Variants in CCDC146 observed in about 807,000 individuals in gnomAD.
CCDC146 encodes coiled-coil domain-containing protein 146.
In CCDC146, 92 loss-of-function variants were observed where a neutral mutation model predicts 119.3. That is an observed-to-expected ratio of 0.77 (90% CI 0.65 to 0.92). The LOEUF (loss-of-function observed/expected upper bound fraction) is 0.92. CCDC146 is among the 40% of genes least tolerant of loss of function. The pLI is 0.00. For missense variants in CCDC146, 1,000 were observed against 1,103.0 expected, an observed-to-expected ratio of 0.91 and a Z score of 1.32; for synonymous variants, 372 against 371.8, an observed-to-expected ratio of 1.00 and a Z score of -0.01.
chr7:77,295,055 G>A lies in CCDC146; in HGVS notation c.*189G>A. On this transcript the variant is annotated 3_prime_UTR_variant, in exon 19 of 19. Transcript: ENST00000285871. ...TACTATACCTTTCATGACGTTGAATGGGACATAGAACTGTCCTACATTTAT... is the reference window on the plus strand; with the variant it reads ...TACTATACCTTTCATGACGTTGAATAGGACATAGAACTGTCCTACATTTAT... 1.7e-6 allele frequency: 1 copy of A among 586,880 alleles called. No individual in the cohort carries two copies. Among genetic ancestry groups the A allele is most frequent in the Non-Finnish European group, 3.0e-6 (1 of 330,776 alleles). The allele number at this position is 586,880 out of a possible 1,614,324, so 36.4% of individuals were successfully genotyped here. A position where few individuals can be genotyped will look rare whatever the true frequency, so the allele number is the denominator to read the frequency against.
At chr7:77,167,192 A>G (rs1344698415) in intron 1 of CCDC146, among the ~76,000 whole-genome samples, 7 of 152,162 alleles carry the variant, frequency 4.6e-5, no homozygotes, top group Non-Finnish European at 1.0e-4. Flanking sequence ...GGTAGACAAT[A>G]TGAAAAATAG....
chr7:77,162,895 G>A (rs1319640034), intron 1 of CCDC146, among the ~76,000 whole-genome samples: 2 of 152,020 alleles, frequency 1.3e-5, no homozygotes, highest in African/African-American at 4.8e-5. Flanking sequence ...AAAGGTTAAA[G>A]TTTTTCTGAT....
rs58424400 is a variant in CCDC146 at position 77,227,489 on chromosome 7, T to C, written c.157-9458T>C. ...CCCGGCTAATTTTTTGTATTTTTAA[T>C]AGAGACGGGGTTTCACCGTGTTAGC... is the stretch of plus-strand genomic sequence containing the variant. On this transcript the variant is annotated intron_variant, in intron 2 of 18. Coordinates refer to ENST00000285871, the MANE Select transcript of CCDC146 (RefSeq NM_020879.3). 7.6e-3 allele frequency among the ~76,000 whole-genome samples: 1,162 copies of C among 152,294 alleles called. 13 individuals are homozygous for C. The highest frequency in any genetic ancestry group is 0.026 in the African/African-American group (1,099 of 41,558).
intron 2 of CCDC146, among the ~76,000 whole-genome samples, chr7:77,214,589 C>G (rs536252550): frequency 2.6e-5 from 4 of 151,930 alleles, no homozygotes; most frequent in Non-Finnish European, 5.9e-5. Flanking sequence ...TCTTTAATCC[C>G]TCTTGAGTTA....
intron 2 of CCDC146, among the ~76,000 whole-genome samples, chr7:77,192,783 C>T (rs890707907): frequency 1.9e-4 from 29 of 151,960 alleles, no homozygotes; most frequent in Non-Finnish European, 3.5e-4. Flanking sequence ...ATTAGCTGGG[C>T]GAGGTGGCAG....
intron 1 of CCDC146, among the ~76,000 whole-genome samples, chr7:77,123,193 G>C (rs1790648549): frequency 6.7e-6 from 1 of 150,120 alleles, no homozygotes; most frequent in Admixed American, 6.6e-5. Flanking sequence ...CTTGTTTTGA[G>C]AATAGCATTG....
chr7:77,241,601 G>T (rs1226056946), intron 3 of CCDC146, 90 bp from the exon 4 acceptor site: 4 of 1,062,908 alleles, frequency 3.8e-6, no homozygotes, highest in Non-Finnish European at 5.7e-6. Context: ...TCTGAGGAGT[G>T]GGGAGCAGCT....
intron 9 of CCDC146, 99 bp from the exon 10 acceptor site, chr7:77,273,595 A>G: frequency 1.4e-6 from 1 of 722,928 alleles, no homozygotes; most frequent in South Asian, 1.6e-5. Context: ...ATCTCAGCTC[A>G]CTGCAACTTC....
At chr7:77,270,290 A>G (rs559439306) in intron 9 of CCDC146, among the ~76,000 whole-genome samples, 1 of 152,186 alleles carries the variant, frequency 6.6e-6, no homozygotes, top group South Asian at 2.1e-4. Context: ...CCTGGGGAGT[A>G]GTACTTGAAG....
intron 2 of CCDC146, among the ~76,000 whole-genome samples, chr7:77,224,808 T>C (rs1792473696): frequency 6.6e-6 from 1 of 152,164 alleles, no homozygotes; most frequent in South Asian, 2.1e-4. Flanking sequence ...CGATGGAGCA[T>C]TCTGCTGGCA....
chr7:77,190,032 G>GT (rs1462152952), intron 2 of CCDC146, among the ~76,000 whole-genome samples: 1 of 152,090 alleles, frequency 6.6e-6, no homozygotes, highest in Non-Finnish European at 1.5e-5. Context: ...TTTTATCCGT[G>GT]TTGGTCACTG....
At chr7:77,132,909 T>C (rs1790806649) in intron 1 of CCDC146, among the ~76,000 whole-genome samples, 1 of 152,102 alleles carries the variant, frequency 6.6e-6, no homozygotes, top group Non-Finnish European at 1.5e-5. Flanking sequence ...CGGTGGCTTA[T>C]GCCTGTAATC....
chr7:77,146,473 G>C (rs550304234), intron 1 of CCDC146, among the ~76,000 whole-genome samples: 1 of 152,194 alleles, frequency 6.6e-6, no homozygotes, highest in South Asian at 2.1e-4. Context: ...TGGTTACTTT[G>C]CTCGTTAGTT....
chr7:77,197,110 C>G (rs1194207860), intron 2 of CCDC146: 1 of 644,830 alleles, frequency 1.6e-6, no homozygotes, highest in African/African-American at 1.8e-5. Context: ...CTTTACTAAA[C>G]TTACTTGAAC....
At chr7:77,205,221 G>T (rs1330351021) in intron 2 of CCDC146, among the ~76,000 whole-genome samples, 1 of 152,120 alleles carries the variant, frequency 6.6e-6, no homozygotes, top group African/African-American at 2.4e-5. Context: ...TGCGAATACT[G>T]AATCAGCAAA....
chr7:77,206,597 C>A (rs1308175088), intron 2 of CCDC146, among the ~76,000 whole-genome samples: 1 of 151,368 alleles, frequency 6.6e-6, no homozygotes, highest in African/African-American at 2.4e-5. Flanking sequence ...TGCACCACTG[C>A]ACTCCAGCTT....
chr7:77,201,078 T>A (rs3091260), intron 2 of CCDC146, among the ~76,000 whole-genome samples: 67,708 of 152,034 alleles, frequency 0.45, 17,590 homozygotes, highest in African/African-American at 0.72. Context: ...GACTCTTTAC[T>A]CTTCCATGAC....
At chr7:77,124,870 A>C (rs1001964046) in intron 1 of CCDC146, among the ~76,000 whole-genome samples, 5 of 152,174 alleles carry the variant, frequency 3.3e-5, no homozygotes, top group Non-Finnish European at 7.4e-5. Context: ...TTATAGGGTT[A>C]CTTGTAAGAG....
chr7:77,270,703 C>A (rs1793494091), intron 9 of CCDC146, among the ~76,000 whole-genome samples: 1 of 152,118 alleles, frequency 6.6e-6, no homozygotes, highest in Admixed American at 6.6e-5. Context: ...TTGTTTTACT[C>A]ACTTAATAAA....
Sources: gnomAD v4.1 joint callset for allele counts (sites outside exome capture counted in the v4.1 genomes callset) on GRCh38, gnomAD v4.1.1 for gene constraint, MANE v1.5 for transcripts, NCBI Gene and HGNC (gene_info 2026-07-23, HGNC 2026-07-21) for gene names.